Variants in HHAT observed in about 807,000 individuals in gnomAD.
HHAT encodes the protein protein-cysteine N-palmitoyltransferase HHAT.
A neutral mutation model predicts 70.8 loss-of-function variants in HHAT; 47 were observed. The ratio of observed to expected loss-of-function variants is 0.66; its 90% confidence interval spans 0.53 to 0.85. The LOEUF is 0.85. HHAT is among the 40% of genes least tolerant of loss of function. The probability of loss-of-function intolerance (pLI) is 0.00; values close to 1 mark genes in which losing one functional copy is unlikely to be tolerated. For missense variants in HHAT, 609 were observed against 604.8 expected (o/e 1.01, Z -0.07); for synonymous variants, 228 against 247.6 (o/e 0.92, Z 0.74).
chr1:210,401,490 G>A lies in HHAT; in HGVS notation c.468+828G>A, dbSNP rs1006502489. Among the ~76,000 whole-genome samples the A allele has an allele frequency of 6.6e-5, 10 of 152,274 alleles. No individual in the cohort carries two copies. In the East Asian group the frequency reaches 1.9e-3, roughly 29 times the overall value. Reference sequence around the variant, plus strand: ...TTAGGTAGTGAAAACAAAGTGTTTAGCCCCGAAGGGCACAGACCAAGCTTT... The same window carrying A: ...TTAGGTAGTGAAAACAAAGTGTTTAACCCCGAAGGGCACAGACCAAGCTTT... On this transcript the variant is annotated intron_variant, in intron 5 of 11. Coordinates refer to ENST00000261458, the MANE Select transcript of HHAT (RefSeq NM_018194.6).
chr1:210,329,336 G>A, intron 1 of HHAT: 1 of 1,209,506 alleles, frequency 8.3e-7, no homozygotes, highest in Non-Finnish European at 1.0e-6. Context: ...TAGGCGCCGG[G>A]ACAAGTCCGC....
intron 11 of HHAT, among the ~76,000 whole-genome samples, chr1:210,671,382 G>A (rs1166179769): frequency 3.3e-5 from 5 of 152,192 alleles, no homozygotes; most frequent in Non-Finnish European, 7.3e-5. Flanking sequence ...GAACTCTGAG[G>A]GCTTCCAGCA....
At chr1:210,492,484 G>T (rs2094567919) in intron 8 of HHAT, among the ~76,000 whole-genome samples, 1 of 152,172 alleles carries the variant, frequency 6.6e-6, no homozygotes, top group South Asian at 2.1e-4. Flanking sequence ...AAGGCACTTT[G>T]AGAGATACTA....
rs1370929128 is a variant in HHAT, at chr1:210,604,638, C to T, written c.1245+16539C>T. 2.0e-5 allele frequency among the ~76,000 whole-genome samples: 3 copies of T among 152,024 alleles called. No homozygotes were observed. The South Asian group carries it at 6.2e-4, about 32-fold the overall frequency. On this transcript the variant is annotated intron_variant, in intron 10 of 11. Coordinates refer to ENST00000261458, the MANE Select transcript of HHAT (RefSeq NM_018194.6). ...ACAGTAAATGTATACTGTTGTCTAACTAAAAATTATTGAGAGAGAGGTGAG... is the reference window on the plus strand; with the variant it reads ...ACAGTAAATGTATACTGTTGTCTAATTAAAAATTATTGAGAGAGAGGTGAG...
At chr1:210,407,845 G>C (rs80191815) in intron 6 of HHAT, among the ~76,000 whole-genome samples, 1 of 152,144 alleles carries the variant, frequency 6.6e-6, no homozygotes, top group African/African-American at 2.4e-5. Context: ...GACTGGTGTG[G>C]TGTGGGCACT....
chr1:210,502,973 T>G (rs1342869034), intron 8 of HHAT, among the ~76,000 whole-genome samples: 2 of 43,142 alleles, frequency 4.6e-5, no homozygotes, highest in African/African-American at 1.7e-4. Flanking sequence ...ACTGAAGATA[T>G]TTTTTTTTTT....
intron 11 of HHAT, among the ~76,000 whole-genome samples, chr1:210,634,745 C>G (rs778941859): frequency 2.0e-5 from 3 of 152,194 alleles, no homozygotes; most frequent in Non-Finnish European, 4.4e-5. Context: ...TTACTTTTCT[C>G]ACTTTATGAC....
At chr1:210,382,532 G>T (rs1444809740) in intron 3 of HHAT, among the ~76,000 whole-genome samples, 5 of 152,156 alleles carry the variant, frequency 3.3e-5, no homozygotes, top group Non-Finnish European at 2.9e-5. Context: ...TTTAAGTCAA[G>T]GTTCTTGCTC....
chr1:210,588,288 C>T, intron 10 of HHAT, 189 bp downstream of exon 10: 1 of 578,034 alleles, frequency 1.7e-6, no homozygotes, highest in East Asian at 2.8e-5. Context: ...TGTGTTTGTG[C>T]ATGGGTGTGT....
At chr1:210,626,954 T>G (rs1317532152) in intron 11 of HHAT, among the ~76,000 whole-genome samples, 1 of 152,204 alleles carries the variant, frequency 6.6e-6, no homozygotes, top group African/African-American at 2.4e-5. Flanking sequence ...GGACACATGA[T>G]CAGTTCCTGT....
intron 9 of HHAT, among the ~76,000 whole-genome samples, chr1:210,540,318 A>G (rs1274276544): frequency 3.9e-5 from 6 of 152,326 alleles, no homozygotes; most frequent in Middle Eastern, 3.4e-3. Context: ...GCAGTTTAAT[A>G]TAGTGACAAC....
At chr1:210,378,151 A>G (rs531037479) in intron 3 of HHAT, among the ~76,000 whole-genome samples, 213 of 152,294 alleles carry the variant, frequency 1.4e-3, no homozygotes, top group Non-Finnish European at 2.3e-3. Context: ...TTTTGTGCAG[A>G]ATTCTTACAA....
intron 7 of HHAT, among the ~76,000 whole-genome samples, chr1:210,461,750 TTG>T (rs1351978141): frequency 1.3e-5 from 2 of 152,214 alleles, no homozygotes; most frequent in South Asian, 2.1e-4. Flanking sequence ...TTTAAAAATC[TTG>T]TGTCTTTTCT....
chr1:210,582,823 T>G (rs1160217267), intron 9 of HHAT, among the ~76,000 whole-genome samples: 1 of 152,230 alleles, frequency 6.6e-6, no homozygotes. Context: ...AAGCGGAAGT[T>G]ATACCTCTTG....
chr1:210,634,167 G>T (rs968811111), intron 11 of HHAT, among the ~76,000 whole-genome samples: 2 of 152,222 alleles, frequency 1.3e-5, no homozygotes, highest in African/African-American at 4.8e-5. Flanking sequence ...CTTGTAACCT[G>T]TGGCTTTTAG....
chr1:210,438,372 TCA>T (rs1243022600), intron 7 of HHAT, among the ~76,000 whole-genome samples: 3 of 151,784 alleles, frequency 2.0e-5, no homozygotes, highest in African/African-American at 7.3e-5. Context: ...TACATACATA[TCA>T]CCTCCAAATT....
At chr1:210,350,693 G>A (rs760671292) in intron 2 of HHAT, among the ~76,000 whole-genome samples, 9 of 152,140 alleles carry the variant, frequency 5.9e-5, no homozygotes, top group South Asian at 4.1e-4. Context: ...TAATCATGGC[G>A]TCTGCGAAGA....
chr1:210,539,288 A>G (rs2095405712), intron 9 of HHAT, among the ~76,000 whole-genome samples: 1 of 152,218 alleles, frequency 6.6e-6, no homozygotes, highest in African/African-American at 2.4e-5. Flanking sequence ...GGGAAAGACT[A>G]TGATTCAAGA....
At chr1:210,453,968 G>A (rs2093808392) in intron 7 of HHAT, among the ~76,000 whole-genome samples, 1 of 152,156 alleles carries the variant, frequency 6.6e-6, no homozygotes, top group Admixed American at 6.5e-5. Flanking sequence ...AATCACAGAG[G>A]GAGGTGAAAG....
Sources: gnomAD v4.1 joint callset for allele counts (sites outside exome capture counted in the v4.1 genomes callset) on GRCh38, gnomAD v4.1.1 for gene constraint, MANE v1.5 for transcripts, NCBI Gene and HGNC (gene_info 2026-07-23, HGNC 2026-07-21) for gene names.